Variants in LINGO2 observed in about 807,000 individuals in gnomAD.
LINGO2 encodes leucine rich repeat and Ig domain containing 2.
In LINGO2, 14 loss-of-function variants were observed where a neutral mutation model predicts 30.6. The ratio of observed to expected loss-of-function variants is 0.46; its 90% confidence interval spans 0.30 to 0.72. The LOEUF (loss-of-function observed/expected upper bound fraction) is 0.72, where lower values mean the gene tolerates loss of function less well. Ranked by LOEUF, LINGO2 falls within the 30% of genes least tolerant of loss-of-function variation. LINGO2 has a pLI of 0.07. For synonymous variants in LINGO2, 317 were observed against 288.5 expected (o/e 1.10, Z -1.00); for missense variants, 729 against 751.7 (o/e 0.97, Z 0.35).
chr9:28,678,785 G>C, the LINGO2 span, among the ~76,000 whole-genome samples: 1 of 152,066 alleles, frequency 6.6e-6, no homozygotes, highest in African/African-American at 2.4e-5. Flanking sequence ...TGATAAACAT[G>C]CAAACTTAAG....
At chr9:28,020,120 G>C (rs766443817) in intron 4 of LINGO2, among the ~76,000 whole-genome samples, 12 of 152,080 alleles carry the variant, frequency 7.9e-5, no homozygotes, top group Non-Finnish European at 1.2e-4. Flanking sequence ...GTCTGAATGA[G>C]CCATCTCTGC....
chr9:28,631,136 TA>T (rs1484278769), intron 1 of LINGO2, among the ~76,000 whole-genome samples: 1 of 152,058 alleles, frequency 6.6e-6, no homozygotes, highest in Non-Finnish European at 1.5e-5. Context: ...TTTATTTATT[TA>T]TTGCTTTATC....
chr9:28,090,938 A>G (rs1647137733), intron 4 of LINGO2, among the ~76,000 whole-genome samples: 1 of 152,196 alleles, frequency 6.6e-6, no homozygotes, highest in South Asian at 2.1e-4. Flanking sequence ...ACAGAGAGCC[A>G]AATCATGAGT....
intron 3 of LINGO2, among the ~76,000 whole-genome samples, chr9:28,304,940 T>A: frequency 6.6e-6 from 1 of 152,174 alleles, no homozygotes; most frequent in Admixed American, 6.6e-5. Context: ...TCAGTTATTT[T>A]AGAAAATACT....
At chr9:28,409,239 A>G (rs1332412271) in intron 2 of LINGO2, among the ~76,000 whole-genome samples, 1 of 152,138 alleles carries the variant, frequency 6.6e-6, no homozygotes, top group Non-Finnish European at 1.5e-5. Flanking sequence ...ATCCCGCTAC[A>G]GGATCATTTG....
In LINGO2 at chr9:28,292,024, T is replaced by A. The variant is rs1419192923; in HGVS notation, c.-87+3184A>T. Among the ~76,000 whole-genome samples, 18 of 152,198 alleles carry A rather than the reference T, an allele frequency of 1.2e-4. No homozygotes were observed. In the East Asian group the frequency reaches 3.1e-3, roughly 26 times the overall value. ...TGGAAAACCATCTTTAAAGTGCTTA[T>A]GGGGGAAGAAAGACCTGTCAATCTA... On this transcript the variant is annotated intron_variant, in intron 4 of 5. Coordinates refer to ENST00000379992, the Ensembl canonical transcript of LINGO2.
At chr9:28,550,437 T>C (rs935002493) in intron 1 of LINGO2, among the ~76,000 whole-genome samples, 2 of 151,896 alleles carry the variant, frequency 1.3e-5, no homozygotes, top group African/African-American at 4.8e-5. Flanking sequence ...TGTATTTTTA[T>C]TTCTATTAGT....
chr9:28,236,069 G>T (rs928088874), intron 4 of LINGO2, among the ~76,000 whole-genome samples: 1 of 152,038 alleles, frequency 6.6e-6, no homozygotes, highest in African/African-American at 2.4e-5. Context: ...ATAAAGAAAG[G>T]ATCCTAAAAG....
chr9:28,769,545 T>A, the LINGO2 span, among the ~76,000 whole-genome samples: 51 of 114,066 alleles, frequency 4.5e-4, no homozygotes, highest in South Asian at 1.8e-3. Context: ...TTTTTTTTTT[T>A]ACCTGAATGT....
At chr9:29,094,643 A>G in the LINGO2 span, among the ~76,000 whole-genome samples, 74 of 139,162 alleles carry the variant, frequency 5.3e-4, 11 homozygotes. Flanking sequence ...CTGTAAGTGT[A>G]AAATATAAAC....
intron 4 of LINGO2, among the ~76,000 whole-genome samples, chr9:28,042,579 T>G (rs1365824453): frequency 6.6e-6 from 1 of 152,170 alleles, no homozygotes; most frequent in African/African-American, 2.4e-5. Flanking sequence ...GTCTAGGATA[T>G]GAAAGAAAGG....
intron 4 of LINGO2, among the ~76,000 whole-genome samples, chr9:28,202,316 T>C (rs2133825087): frequency 6.6e-6 from 1 of 152,222 alleles, no homozygotes; most frequent in Non-Finnish European, 1.5e-5. Flanking sequence ...TTTGACTCCA[T>C]AGGTCTGATA....
chr9:28,141,441 A>G (rs1282119126), intron 4 of LINGO2, among the ~76,000 whole-genome samples: 1 of 152,226 alleles, frequency 6.6e-6, no homozygotes, highest in African/African-American at 2.4e-5. Flanking sequence ...GAAGCCTCAC[A>G]TAAAAAAGAA....
intron 4 of LINGO2, among the ~76,000 whole-genome samples, chr9:28,126,314 A>G (rs1386412624): frequency 6.6e-6 from 1 of 152,130 alleles, no homozygotes; most frequent in Non-Finnish European, 1.5e-5. Context: ...CTGCAAGGGT[A>G]TTTTTCGAAG....
the LINGO2 span, among the ~76,000 whole-genome samples, chr9:29,018,170 G>C: frequency 6.7e-6 from 1 of 149,524 alleles, no homozygotes; most frequent in African/African-American, 2.4e-5. Context: ...ATAATCCTAA[G>C]CAAACTGATG....
chr9:28,963,206 C>T, the LINGO2 span, among the ~76,000 whole-genome samples: 2 of 151,876 alleles, frequency 1.3e-5, no homozygotes, highest in African/African-American at 2.4e-5. Flanking sequence ...ACTAACAGAA[C>T]TTTCTGCAGT....
At chr9:29,062,838 A>C in the LINGO2 span, among the ~76,000 whole-genome samples, 2 of 152,122 alleles carry the variant, frequency 1.3e-5, no homozygotes, top group Non-Finnish European at 2.9e-5. Context: ...TCCTTTCCTG[A>C]CTTTTTGTGA....
At chr9:28,289,448 A>G (rs952758208) in intron 4 of LINGO2, among the ~76,000 whole-genome samples, 4 of 152,282 alleles carry the variant, frequency 2.6e-5, no homozygotes, top group Non-Finnish European at 5.9e-5. Flanking sequence ...TTTGCGTTAT[A>G]ATACTTGGAT....
intron 3 of LINGO2, among the ~76,000 whole-genome samples, chr9:28,300,802 C>T (rs191931477): frequency 8.6e-5 from 13 of 151,710 alleles, no homozygotes; most frequent in Non-Finnish European, 1.9e-4. Flanking sequence ...TCAAGTATTG[C>T]TCATAGTCTA....
Sources: gnomAD v4.1 joint callset for allele counts (sites outside exome capture counted in the v4.1 genomes callset) on GRCh38, gnomAD v4.1.1 for gene constraint, MANE v1.5 for transcripts, NCBI Gene and HGNC (gene_info 2026-07-23, HGNC 2026-07-21) for gene names.